The following NLRP13 variants were observed in gnomAD, a reference collection of about 807,000 sequenced individuals.
NLRP13 encodes NLR family pyrin domain containing 13.
A neutral mutation model predicts 94.4 loss-of-function variants in NLRP13; 82 were observed. The ratio of observed to expected loss-of-function variants is 0.87; its 90% CI spans 0.73 to 1.04. The LOEUF (loss-of-function observed/expected upper bound fraction) is 1.04. Ranked by LOEUF, NLRP13 falls within the 50% of genes least tolerant of loss-of-function variation. NLRP13 has a pLI of 0.00. For missense variants in NLRP13, 1,426 were observed against 1,230.8 expected (o/e 1.16, Z -2.37); for synonymous variants, 553 against 464.7 (o/e 1.19, Z -2.45).
intron 1 of NLRP13, among the ~76,000 whole-genome samples, chr19:55,931,722 A>AGACAGAAAGAAAGACAGAAAGAAAGACAG (rs1468023647): frequency 7.4e-5 from 8 of 107,410 alleles, no homozygotes; most frequent in African/African-American, 2.5e-4. Context: ...AAAAAAAAAA[A>AGACAGAAAGAAAGACAGAAAGAAAGACAG]AAAGAAAGAA....
chr19:55,901,246 G>C (rs1359097139), intron 9 of NLRP13, among the ~76,000 whole-genome samples: 1 of 152,206 alleles, frequency 6.6e-6, no homozygotes. Context: ...GTCGCCACGA[G>C]AGCACATAGA....
At chr19:55,930,801 A>G (rs947589960) in intron 1 of NLRP13, among the ~76,000 whole-genome samples, 2 of 147,666 alleles carry the variant, frequency 1.4e-5, no homozygotes, top group African/African-American at 5.1e-5. Context: ...TGATGTGTGC[A>G]TTCTGAAAAC....
At chr19:55,895,867 A>G (rs1600255692), downstream of NLRP13, 1 of 1,499,264 alleles carries the variant, frequency 6.7e-7, no homozygotes, top group East Asian at 2.3e-5. Context: ...TGCAATGGAA[A>G]CCTGACACAT....
At chr19:55,924,938 C>A (rs370450412) in intron 2 of NLRP13, 29 bp downstream of exon 2, 4 of 1,587,352 alleles carry the variant, frequency 2.5e-6, no homozygotes, top group African/African-American at 2.7e-5. Context: ...AGCAACCTGT[C>A]CATTATCAAC....
intron 6 of NLRP13, among the ~76,000 whole-genome samples, 183 bp downstream of exon 6, chr19:55,910,380 G>T (rs16986789): frequency 1.3e-5 from 2 of 152,084 alleles, no homozygotes; most frequent in African/African-American, 4.8e-5. Flanking sequence ...TTGATAGATC[G>T]GCATTTTAAA....
Position 55,912,595 on chromosome 19 carries a change from T to G in NLRP13, c.1222A>C (p.Ile408Leu). 2 of 1,614,162 alleles carry G rather than the reference T, an allele frequency of 1.2e-6. No homozygotes were observed. The highest frequency in any genetic ancestry group is 1.1e-5 in the South Asian group (1 of 91,086). ...TCGTTTTTTCTTAGCTGCTGCAGGATTTTCTCAACTTCACTTGAGTCATCA... is the reference window on the plus strand; with the variant it reads ...TCGTTTTTTCTTAGCTGCTGCAGGAGTTTCTCAACTTCACTTGAGTCATCA... ...HFDDSSEVEK[I>L]LQQLRKNETL... The change falls in exon 5 of 11, where the codon ATC becomes CTC. Residue 408 changes from isoleucine to leucine, a missense_variant. By Grantham distance (5) the Ile-to-Leu change is conservative. Transcript: ENST00000342929.
intron 10 of NLRP13, among the ~76,000 whole-genome samples, chr19:55,896,436 C>T (rs772657654): frequency 1.4e-5 from 2 of 148,102 alleles, no homozygotes; most frequent in Non-Finnish European, 3.0e-5. Context: ...GCAGGAGAAT[C>T]GCTTGAACCC....
At chr19:55,931,096 T>C (rs1987120791) in intron 1 of NLRP13, among the ~76,000 whole-genome samples, 2 of 151,688 alleles carry the variant, frequency 1.3e-5, no homozygotes, top group Admixed American at 6.6e-5. Flanking sequence ...CTTGTGAATA[T>C]GGGAAGTGTC....
chr19:55,912,448 C>T lies in NLRP13; in HGVS notation c.1369G>A (p.Ala457Thr), dbSNP rs754446878. 5 of 1,614,202 alleles carry T rather than the reference C, an allele frequency of 3.1e-6. No homozygotes were observed. The highest frequency in any genetic ancestry group is 2.2e-5 in the South Asian group (2 of 91,090). Residue 457 changes from alanine (A) to threonine (T), a missense_variant, in exon 5 of 11, where the codon GCC (alanine) becomes ACC (threonine). Coordinates refer to ENST00000342929, the MANE Select transcript of NLRP13 (RefSeq NM_176810.2). ...GAGAACAAGTTGGAGAAAAAATAGG[C>T]ATACAGACTGGTGGTAGTCTGAGTG... is the stretch of plus-strand genomic sequence containing the variant. ...SITQTTTSLY[A>T]YFFSNLFSTA...
At chr19:55,918,140 TAAAC>T (rs751826466) in intron 4 of NLRP13, among the ~76,000 whole-genome samples, 30 of 151,360 alleles carry the variant, frequency 2.0e-4, no homozygotes, top group Non-Finnish European at 3.5e-4. Context: ...GCACAGAAAT[TAAAC>T]AACTGCTCCT....
chr19:55,901,317 T>C (rs1986165140), intron 9 of NLRP13, among the ~76,000 whole-genome samples: 1 of 152,166 alleles, frequency 6.6e-6, no homozygotes, highest in African/African-American at 2.4e-5. Context: ...CCTTTCCCCA[T>C]TGGCTGGGGT....
chr19:55,897,462 C>T (rs931170370), intron 10 of NLRP13, among the ~76,000 whole-genome samples: 11 of 152,270 alleles, frequency 7.2e-5, no homozygotes, highest in Admixed American at 6.5e-4. Context: ...GCTGAGATCG[C>T]ACCACTGCAC....
intron 2 of NLRP13, 139 bp downstream of exon 2, chr19:55,924,828 G>C: frequency 9.5e-6 from 8 of 841,268 alleles, no homozygotes; most frequent in African/African-American, 1.7e-5. Context: ...AAGCAATACT[G>C]AAAGAATTAG....
chr19:55,916,491 A>G (rs1377778546), intron 4 of NLRP13, among the ~76,000 whole-genome samples: 5 of 152,216 alleles, frequency 3.3e-5, no homozygotes, highest in African/African-American at 9.6e-5. Context: ...AATTCAGGAT[A>G]TGAATGAGAA....
At chr19:55,902,281 GCC>G in intron 8 of NLRP13, 76 bp from the exon 9 acceptor site, 1 of 1,266,306 alleles carries the variant, frequency 7.9e-7, no homozygotes, top group South Asian at 1.6e-5. Context: ...GAGCCTCAGG[GCC>G]CCCTCCGAGC....
intron 4 of NLRP13, among the ~76,000 whole-genome samples, chr19:55,915,147 CTG>C (rs1412950465): frequency 1.3e-5 from 2 of 152,076 alleles, no homozygotes; most frequent in African/African-American, 4.8e-5. Context: ...AGCAATGTAA[CTG>C]TAGTTAATAA....
intron 4 of NLRP13, 48 bp downstream of exon 4, chr19:55,923,866 T>C: frequency 2.1e-6 from 3 of 1,407,106 alleles, no homozygotes; most frequent in Non-Finnish European, 3.0e-6. Flanking sequence ...GTGAAACCAA[T>C]GCTCGTCAAG....
Position 55,910,744 on chromosome 19 carries a change from G to A in NLRP13, c.2112-11C>T. 1 of 1,595,638 alleles carries A rather than the reference G, an allele frequency of 6.3e-7. No individual in the cohort carries two copies. Among genetic ancestry groups the A allele is most frequent in the Non-Finnish European group, 8.6e-7 (1 of 1,166,124 alleles). On this transcript the variant is annotated splice_polypyrimidine_tract_variant and intron_variant, in intron 5 of 10. Coordinates refer to ENST00000342929, the MANE Select transcript of NLRP13 (RefSeq NM_176810.2). The stretch of plus-strand genomic sequence containing the variant: ...TCAAACTTGCTTGTCCTTCATGAGG[G>A]AGAGACAGAACACGGATAAGAGCAA...
intron 10 of NLRP13, among the ~76,000 whole-genome samples, chr19:55,897,841 C>T (rs1472246158): frequency 3.9e-5 from 6 of 152,128 alleles, no homozygotes; most frequent in Admixed American, 2.6e-4. Context: ...CAATTTGAGT[C>T]GGTTCATTTG....
Sources: allele counts gnomAD v4.1 joint callset (sites outside exome capture counted in the v4.1 genomes callset), GRCh38; gene constraint gnomAD v4.1.1; transcripts MANE v1.5; gene names NCBI Gene and HGNC (gene_info 2026-07-23, HGNC 2026-07-21).